SPTLC2: variants seen among roughly 807,000 people sequenced by gnomAD.
SPTLC2 encodes the protein serine palmitoyltransferase long chain base subunit 2, also known as serine palmitoyltransferase 2.
A neutral mutation model predicts 62.0 loss-of-function variants in SPTLC2; 21 were observed. That is an observed-to-expected ratio of 0.34 (90% confidence interval 0.24 to 0.49). The LOEUF is 0.49. Ranked by LOEUF, SPTLC2 falls within the 20% of genes least tolerant of loss-of-function variation. SPTLC2 has a pLI of 0.99. For missense variants in SPTLC2, 511 were observed against 713.0 expected, an observed-to-expected ratio of 0.72 and a Z score of 3.23; for synonymous variants, 261 against 261.8, an observed-to-expected ratio of 1.00 and a Z score of 0.03.
chr14:77,531,891 T>G (rs1387481449), intron 9 of SPTLC2, among the ~76,000 whole-genome samples: 1 of 152,174 alleles, frequency 6.6e-6, no homozygotes, highest in Non-Finnish European at 1.5e-5. Context: ...TCTGTACACT[T>G]CATTGTATGA....
intron 2 of SPTLC2, among the ~76,000 whole-genome samples, chr14:77,586,328 G>C (rs1224923486): frequency 6.6e-6 from 1 of 151,848 alleles, no homozygotes; most frequent in East Asian, 1.9e-4. Context: ...CACCCACCTT[G>C]GCCTCCCAAA....
intron 1 of SPTLC2, among the ~76,000 whole-genome samples, chr14:77,609,872 T>C (rs1224402893): frequency 6.6e-6 from 1 of 152,144 alleles, no homozygotes; most frequent in Non-Finnish European, 1.5e-5. Flanking sequence ...AGTAACACCC[T>C]GAATCAATCA....
At chr14:77,555,718 C>T (rs1008625919) in intron 7 of SPTLC2, among the ~76,000 whole-genome samples, 199 bp from the exon 8 acceptor site, 1 of 151,864 alleles carries the variant, frequency 6.6e-6, no homozygotes, top group Non-Finnish European at 1.5e-5. Flanking sequence ...TGGGTTCAAG[C>T]GATTCTTGTG....
intron 4 of SPTLC2, 94 bp from the exon 5 acceptor site, chr14:77,570,602 T>C: frequency 6.0e-6 from 9 of 1,491,958 alleles, no homozygotes; most frequent in Non-Finnish European, 8.3e-6. Flanking sequence ...ATATGTGTTG[T>C]GTCCTTTTCA....
chr14:77,555,463 T>C lies in SPTLC2; in HGVS notation c.1013A>G (p.Lys338Arg), dbSNP rs2079578030. ...AGCCTCATCCAGATACAAGTATGCCTTGTATTTCTTCTTGAGGGCAATCAC... is the reference window on the plus strand; with the variant it reads ...AGCCTCATCCAGATACAAGTATGCCCTGTATTTCTTCTTGAGGGCAATCAC... ...PEVIALKKKY[K>R]AYLYLDEAHS... Residue 338 changes from lysine (K) to arginine (R), a missense_variant, in exon 8 of 12, where the codon AAG becomes AGG. Lys to Arg is a conservative substitution (Grantham distance 26). Transcript: ENST00000216484. 1.2e-6 allele frequency: 2 copies of C among 1,614,060 alleles called. No individual in the cohort carries two copies. The highest frequency in any genetic ancestry group is 1.7e-5 in the Admixed American group (1 of 60,000).
chr14:77,514,470 C>T (rs1051773358), intron 11 of SPTLC2, among the ~76,000 whole-genome samples: 2 of 152,022 alleles, frequency 1.3e-5, no homozygotes, highest in African/African-American at 2.4e-5. Flanking sequence ...TTACATGCAT[C>T]GCCATTCATT....
chr14:77,535,654 A>G (rs3101), intron 9 of SPTLC2: 49,369 of 203,196 alleles, frequency 0.24, 7,105 homozygotes, highest in East Asian at 0.57. Context: ...TATGAGACCA[A>G]CATGGACCAG....
At chr14:77,577,042 C>T in intron 3 of SPTLC2, 127 bp from the exon 4 acceptor site, 2 of 976,884 alleles carry the variant, frequency 2.0e-6, no homozygotes, top group Non-Finnish European at 3.2e-6. Flanking sequence ...ATCTCAAACA[C>T]ACTACCAATT....
chr14:77,534,588 T>TACACACACACACACAC (rs1555373993), intron 9 of SPTLC2, among the ~76,000 whole-genome samples: 4,313 of 141,140 alleles, frequency 0.031, 120 homozygotes, highest in African/African-American at 0.076. Context: ...CATATTTCAG[T>TACACACACACACACAC]ACACACACAC....
intron 7 of SPTLC2, 66 bp from the exon 8 acceptor site, chr14:77,555,585 A>G: frequency 1.4e-6 from 2 of 1,464,880 alleles, no homozygotes; most frequent in Non-Finnish European, 1.9e-6. Context: ...CAAAATTGGG[A>G]GTTTGGCACT....
At position 77,521,523 on chromosome 14, in the gene SPTLC2, T is replaced by C. The variant is rs2079384782; in HGVS notation, c.1362A>G (p.Lys454=). ...ENTRYFRRRL[K]EMGFIIYGNE... ...TTCCATAGATGATGAAGCCCATCTC[T>C]TTCAGGCGTCTCCTGAAATACCTGG... The change falls in exon 10 of 12, where the codon AAA becomes AAG. Residue 454 remains lysine, a synonymous_variant. Transcript: ENST00000216484. 1.2e-6 allele frequency: 2 copies of C among 1,614,046 alleles called. No homozygotes were observed. Among genetic ancestry groups the C allele is most frequent in the African/African-American group, 2.7e-5 (2 of 74,932 alleles).
chr14:77,572,071 A>G (rs986728888), intron 4 of SPTLC2, among the ~76,000 whole-genome samples: 14 of 152,236 alleles, frequency 9.2e-5, no homozygotes, highest in Non-Finnish European at 1.5e-4. Flanking sequence ...TACAGGCGTG[A>G]GCCACCGCAT....
chr14:77,606,503 C>T (rs556031796), intron 1 of SPTLC2, among the ~76,000 whole-genome samples: 21 of 152,134 alleles, frequency 1.4e-4, no homozygotes, highest in Non-Finnish European at 2.6e-4. Flanking sequence ...ATTTCACATG[C>T]CCAGAGAAGT....
intron 7 of SPTLC2, among the ~76,000 whole-genome samples, chr14:77,556,245 G>A (rs886070514): frequency 1.4e-4 from 22 of 151,968 alleles, no homozygotes; most frequent in African/African-American, 2.4e-4. Context: ...ACCGGGAAGC[G>A]GAGGTTGCAG....
chr14:77,560,218 G>A (rs1374755049), intron 6 of SPTLC2, among the ~76,000 whole-genome samples: 1 of 152,148 alleles, frequency 6.6e-6, no homozygotes, highest in African/African-American at 2.4e-5. Context: ...GCAAGCATGT[G>A]TATGTTCATT....
At chr14:77,537,198 G>A (rs749833871) in intron 9 of SPTLC2, among the ~76,000 whole-genome samples, 2 of 151,800 alleles carry the variant, frequency 1.3e-5, no homozygotes, top group African/African-American at 2.4e-5. Context: ...GATTACAGAC[G>A]TGAGCCACTG....
intron 1 of SPTLC2, among the ~76,000 whole-genome samples, chr14:77,612,865 C>T (rs1466848096): frequency 6.6e-6 from 1 of 152,104 alleles, no homozygotes; most frequent in African/African-American, 2.4e-5. Flanking sequence ...CCAGAGAGCT[C>T]TCATCCTTCT....
chr14:77,538,664 G>A (rs148983901), intron 9 of SPTLC2, among the ~76,000 whole-genome samples: 2 of 152,130 alleles, frequency 1.3e-5, no homozygotes, highest in African/African-American at 2.4e-5. Context: ...TCTGCCTCCC[G>A]GGTTCAAACT....
rs1555373703 is a variant in SPTLC2 at position 77,529,620 on chromosome 14, C to CTTTCTTTTTTTTTTTTTTTTTTTTTTT, written c.1304-8040_1304-8039insAAAAAAAAAAAAAAAAAAAAAAAGAAA. On this transcript the variant is annotated intron_variant, in intron 9 of 11. Transcript: ENST00000216484. Reference sequence around the variant, plus strand: ...TTCTAGGAAAGCAATTTCTTTCTTTCTTTTTTTTTTTTTTTTTTTTTTGAG... The same window carrying CTTTCTTTTTTTTTTTTTTTTTTTTTTT: ...TTCTAGGAAAGCAATTTCTTTCTTTCTTTCTTTTTTTTTTTTTTTTTTTTTTTTTTTTTTTTTTTTTTTTTTTTTGAG... 1.0e-3 allele frequency among the ~76,000 whole-genome samples: 79 copies of CTTTCTTTTTTTTTTTTTTTTTTTTTTT among 76,042 alleles called. 6 individuals are homozygous for CTTTCTTTTTTTTTTTTTTTTTTTTTTT. Among genetic ancestry groups the CTTTCTTTTTTTTTTTTTTTTTTTTTTT allele is most frequent in the East Asian group, 3.6e-3 (5 of 1,370 alleles). 49.9% of individuals were successfully genotyped at this position (76,042 alleles called of 152,430 possible). A position where few individuals can be genotyped will look rare whatever the true frequency, so the allele number is the denominator to read the frequency against.
Sources: allele counts gnomAD v4.1 joint callset (sites outside exome capture counted in the v4.1 genomes callset), GRCh38; gene constraint gnomAD v4.1.1; transcripts MANE v1.5; gene names NCBI Gene and HGNC (gene_info 2026-07-23, HGNC 2026-07-21).